HSD17B12: variants seen among roughly 807,000 people sequenced by gnomAD.
HSD17B12 encodes hydroxysteroid 17-beta dehydrogenase 12.
In HSD17B12, 32 loss-of-function variants were observed where a neutral mutation model predicts 39.3. That is an observed-to-expected ratio of 0.81 (90% CI 0.61 to 1.09). The LOEUF is 1.09. HSD17B12 is among the 50% of genes least tolerant of loss of function. HSD17B12 has a pLI of 0.00. For missense variants in HSD17B12, 342 were observed against 382.9 expected (o/e 0.89, Z 0.89); for synonymous variants, 150 against 146.7 (o/e 1.02, Z -0.16).
rs550234796 is a variant in HSD17B12, at chr11:43,703,085, G to T, written c.160+22098G>T. Among the ~76,000 whole-genome samples the T allele has an allele frequency of 4.6e-5, 7 of 152,092 alleles. No individual in the cohort carries two copies. The South Asian group carries it at 1.5e-3, about 32-fold the overall frequency. ...CTAGTTTTGGTATCAAAGTAATACT[G>T]GCCTCATAGAAAGTGTTTGGAAGTA... is the stretch of plus-strand genomic sequence containing the variant. On this transcript the variant is annotated intron_variant, in intron 1 of 10. Coordinates refer to ENST00000278353, the MANE Select transcript of HSD17B12 (RefSeq NM_016142.3).
the HSD17B12 span, among the ~76,000 whole-genome samples, chr11:43,617,066 C>T: frequency 6.6e-6 from 1 of 151,828 alleles, no homozygotes; most frequent in East Asian, 1.9e-4. Flanking sequence ...GTGAGAGATA[C>T]TTGGCAATTA....
the HSD17B12 span, among the ~76,000 whole-genome samples, chr11:43,577,310 C>G: frequency 6.6e-6 from 1 of 151,804 alleles, no homozygotes. Flanking sequence ...AAGGGATAGT[C>G]GTGACTTCGG....
the HSD17B12 span, among the ~76,000 whole-genome samples, chr11:43,570,964 C>G: frequency 6.6e-6 from 1 of 152,146 alleles, no homozygotes; most frequent in Admixed American, 6.5e-5. Flanking sequence ...TCTTGCCTAT[C>G]CAGCAGATAT....
At chr11:43,595,735 A>G in the HSD17B12 span, among the ~76,000 whole-genome samples, 1 of 152,254 alleles carries the variant, frequency 6.6e-6, no homozygotes, top group South Asian at 2.1e-4. Context: ...ATCTGAATAA[A>G]CGAAAAATAA....
chr11:43,581,573 C>A, the HSD17B12 span: 49 of 406,304 alleles, frequency 1.2e-4, no homozygotes, highest in African/African-American at 9.4e-4. This position sits in a 1 kb window ranked among gnomAD's most constrained non-coding sequence, Gnocchi z 4.9. Flanking sequence ...CGGCCCTTTC[C>A]CCGTTTTCCA....
chr11:43,829,182 G>A (rs1405056898), intron 6 of HSD17B12, among the ~76,000 whole-genome samples: 6 of 152,198 alleles, frequency 3.9e-5, no homozygotes, highest in African/African-American at 1.4e-4. Context: ...ACTTTTGCAG[G>A]GGAGAACTTG....
the HSD17B12 span, among the ~76,000 whole-genome samples, chr11:43,610,711 G>C: frequency 2.6e-5 from 4 of 152,170 alleles, no homozygotes; most frequent in Admixed American, 2.6e-4. Context: ...ATGAGCAGCA[G>C]GGGAAGTCTT....
At chr11:43,769,060 C>G (rs1181368467) in intron 3 of HSD17B12, among the ~76,000 whole-genome samples, 2 of 152,202 alleles carry the variant, frequency 1.3e-5, no homozygotes, top group Non-Finnish European at 2.9e-5. Context: ...GTGCCTCAGC[C>G]TCCCAAGAAG....
At chr11:43,686,595 G>T (rs199739026) in intron 1 of HSD17B12, among the ~76,000 whole-genome samples, 8 of 131,964 alleles carry the variant, frequency 6.1e-5, no homozygotes, top group Admixed American at 7.8e-5. Flanking sequence ...CTCCCACCCT[G>T]TTTTTTTTTT....
the HSD17B12 span, among the ~76,000 whole-genome samples, chr11:43,652,966 G>T: frequency 6.6e-6 from 1 of 152,024 alleles, no homozygotes; most frequent in African/African-American, 2.4e-5. Context: ...TCAGATTCTT[G>T]GGCTCTCTGG....
the HSD17B12 span, among the ~76,000 whole-genome samples, chr11:43,613,760 G>C: frequency 6.6e-6 from 1 of 151,626 alleles, no homozygotes; most frequent in Non-Finnish European, 1.5e-5. Flanking sequence ...TCCGCCTCCT[G>C]GGTTCAAGCG....
At chr11:43,579,705 C>A in the HSD17B12 span, among the ~76,000 whole-genome samples, 2 of 152,072 alleles carry the variant, frequency 1.3e-5, no homozygotes, top group Non-Finnish European at 2.9e-5. Context: ...TGTGTGCTTG[C>A]GTCTGTCAGT....
rs531426699 is a variant in HSD17B12, at chr11:43,739,126, G to A, written c.161-11785G>A. Among the ~76,000 whole-genome samples, 3 of 152,264 alleles carry A rather than the reference G, an allele frequency of 2.0e-5. No individual in the cohort carries two copies. In the East Asian group the frequency reaches 5.8e-4, roughly 29 times the overall value. On this transcript the variant is annotated intron_variant, in intron 1 of 10. Coordinates refer to ENST00000278353, the MANE Select transcript of HSD17B12 (RefSeq NM_016142.3). Reference sequence around the variant, plus strand: ...CAAGCTTGCAGAGAATTACATTCTTGGAGCAATGTTTTGTACCCTAAGGGC... The same window carrying A: ...CAAGCTTGCAGAGAATTACATTCTTAGAGCAATGTTTTGTACCCTAAGGGC...
chr11:43,683,600 T>C (rs1213288821), intron 1 of HSD17B12, among the ~76,000 whole-genome samples: 1 of 152,178 alleles, frequency 6.6e-6, no homozygotes, highest in African/African-American at 2.4e-5. Context: ...TGATTAAAAA[T>C]ATTGTTCCAC....
chr11:43,684,271 A>G (rs1949777216), intron 1 of HSD17B12, among the ~76,000 whole-genome samples: 1 of 152,252 alleles, frequency 6.6e-6, no homozygotes, highest in Non-Finnish European at 1.5e-5. Context: ...TTAGGAGAAC[A>G]AAAGGAGATC....
At chr11:43,794,821 T>G (rs772906591) in intron 3 of HSD17B12, among the ~76,000 whole-genome samples, 12 of 152,242 alleles carry the variant, frequency 7.9e-5, no homozygotes, top group Non-Finnish European at 1.2e-4. Flanking sequence ...TGTGCATCTT[T>G]ATCCTACACA....
intron 4 of HSD17B12, among the ~76,000 whole-genome samples, chr11:43,814,977 T>C (rs555915488): frequency 5.3e-5 from 8 of 152,334 alleles, no homozygotes; most frequent in East Asian, 3.9e-4. Flanking sequence ...CAAAATGCGA[T>C]GCATATTGTA....
chr11:43,714,081 C>T (rs964471955), intron 1 of HSD17B12, among the ~76,000 whole-genome samples: 8 of 152,168 alleles, frequency 5.3e-5, no homozygotes, highest in African/African-American at 1.9e-4. Flanking sequence ...GTTGCCTGTT[C>T]ACTCTGATGG....
intron 9 of HSD17B12, 49 bp from the exon 10 acceptor site, chr11:43,854,666 G>C: frequency 6.3e-7 from 1 of 1,598,992 alleles, no homozygotes. Context: ...TGAGTTTGTG[G>C]CCTTACTAAT....
Sources: allele counts gnomAD v4.1 joint callset (sites outside exome capture counted in the v4.1 genomes callset), GRCh38; gene constraint gnomAD v4.1.1; non-coding constraint Gnocchi (gnomAD v3.1); transcripts MANE v1.5; gene names NCBI Gene and HGNC (gene_info 2026-07-23, HGNC 2026-07-21).